CD2AP: variants seen among roughly 807,000 people sequenced by gnomAD.
The protein encoded by CD2AP is CD2-associated protein.
CD2AP carries 46 observed loss-of-function variants against 85.1 expected under a neutral mutation model. That is an observed-to-expected ratio of 0.54 (90% CI 0.43 to 0.69). The LOEUF is 0.69. Ranked by LOEUF, CD2AP falls within the 30% of genes least tolerant of loss-of-function variation. The probability of loss-of-function intolerance (pLI) is 0.00; values close to 1 mark genes in which losing one functional copy is unlikely to be tolerated. For synonymous variants in CD2AP, 255 were observed against 252.9 expected (o/e 1.01, Z -0.08); for missense variants, 769 against 729.5 (o/e 1.05, Z -0.62).
chr6:47,595,684 TATTAA>T (rs1454393821), intron 11 of CD2AP, among the ~76,000 whole-genome samples, 172 bp from the exon 12 acceptor site: 2 of 152,036 alleles, frequency 1.3e-5, no homozygotes, highest in African/African-American at 4.8e-5. Context: ...TATTTAGGAT[TATTAA>T]ATTAAAATAT....
chr6:47,608,038 A>T lies in CD2AP; in HGVS notation c.1632+10A>T, dbSNP rs752573156. 1 of 1,581,416 alleles carries T rather than the reference A, an allele frequency of 6.3e-7. No individual in the cohort carries two copies. The highest frequency in any genetic ancestry group is 2.2e-5 in the East Asian group (1 of 44,626). On this transcript the variant is annotated intron_variant, in intron 15 of 17. Coordinates refer to ENST00000359314, the MANE Select transcript of CD2AP (RefSeq NM_012120.3). ...ATGCTACTCTCCAAAGGTGAGGTGC[A>T]TTGTGGTCTAAGGTTTGTTGACTTT...
At position 47,484,351 on chromosome 6, in the gene CD2AP, C is replaced by CT. The variant is rs35006084; in HGVS notation, c.4+6117dup. ...CTTTGGACTAAACTTGATATTACCT[C>CT]TTTTTTTTTTTTTTGTTATGTTTTG... is the stretch of plus-strand genomic sequence containing the variant. On this transcript the variant is annotated intron_variant, in intron 1 of 17. Coordinates refer to ENST00000359314, the MANE Select transcript of CD2AP (RefSeq NM_012120.3). Among the ~76,000 whole-genome samples the CT allele has an allele frequency of 1.0e-2, 1,407 of 141,314 alleles. 20 individuals carry two copies. The highest frequency in any genetic ancestry group is 0.033 in the African/African-American group (1,261 of 38,732). 92.7% of individuals were successfully genotyped at this position (141,314 alleles called of 152,430 possible).
intron 17 of CD2AP, among the ~76,000 whole-genome samples, chr6:47,620,121 A>C (rs1326821203): frequency 1.3e-5 from 2 of 152,144 alleles, no homozygotes; most frequent in East Asian, 3.8e-4. Flanking sequence ...GTTTTTGTTC[A>C]TGAAATCCTT....
intron 3 of CD2AP, among the ~76,000 whole-genome samples, chr6:47,536,550 G>A (rs1767051509): frequency 1.3e-5 from 2 of 152,132 alleles, no homozygotes; most frequent in East Asian, 1.9e-4. Flanking sequence ...GGACTAGTGA[G>A]CTATTCTTCT....
At chr6:47,608,436 A>T (rs1315094986) in intron 15 of CD2AP, among the ~76,000 whole-genome samples, 1 of 152,098 alleles carries the variant, frequency 6.6e-6, no homozygotes, top group Non-Finnish European at 1.5e-5. Context: ...TTCATCTGTT[A>T]CATGTGTTAG....
intron 1 of CD2AP, among the ~76,000 whole-genome samples, chr6:47,489,477 C>T (rs576534180): frequency 2.0e-5 from 3 of 152,150 alleles, no homozygotes; most frequent in African/African-American, 7.2e-5. Flanking sequence ...TGCCCGGCTG[C>T]ACTCGACTAG....
At chr6:47,566,301 A>AATATAT (rs71831752) in intron 5 of CD2AP, among the ~76,000 whole-genome samples, 2,619 of 110,094 alleles carry the variant, frequency 0.024, 150 homozygotes, top group East Asian at 0.12. Context: ...TGCTCATTAG[A>AATATAT]ATATATATAT....
At chr6:47,483,125 T>TA (rs1352167691) in intron 1 of CD2AP, among the ~76,000 whole-genome samples, 1 of 152,230 alleles carries the variant, frequency 6.6e-6, no homozygotes, top group Admixed American at 6.5e-5. Context: ...ATGGAGCTGT[T>TA]ACTGCTTAGT....
At chr6:47,502,910 A>T (rs996512440) in intron 1 of CD2AP, among the ~76,000 whole-genome samples, 1 of 152,194 alleles carries the variant, frequency 6.6e-6, no homozygotes, top group African/African-American at 2.4e-5. Context: ...CACAGGTCAC[A>T]TTGGCAGTCA....
chr6:47,507,876 G>C (rs1263159349), intron 2 of CD2AP, among the ~76,000 whole-genome samples: 4 of 152,208 alleles, frequency 2.6e-5, no homozygotes, highest in African/African-American at 7.2e-5. Context: ...AGAGCTCTTG[G>C]GTGATCAGAT....
intron 17 of CD2AP, among the ~76,000 whole-genome samples, chr6:47,618,197 G>A (rs1182920683): frequency 2.0e-5 from 3 of 152,104 alleles, no homozygotes; most frequent in Admixed American, 2.0e-4. Context: ...GTACACACCT[G>A]TAATCCCAGC....
chr6:47,501,090 GAATT>G (rs1209256864), intron 1 of CD2AP, among the ~76,000 whole-genome samples: 3 of 152,122 alleles, frequency 2.0e-5, no homozygotes, highest in African/African-American at 7.2e-5. Flanking sequence ...CCAGAAGAAA[GAATT>G]CATTCATCTC....
chr6:47,504,989 G>T (rs1766092730), intron 2 of CD2AP, among the ~76,000 whole-genome samples: 1 of 146,816 alleles, frequency 6.8e-6, no homozygotes, highest in Admixed American at 6.9e-5. Flanking sequence ...GTTGCTGAAG[G>T]CTGGGGTGGC....
chr6:47,503,460 T>C lies in CD2AP; in HGVS notation c.165+20T>C. On this transcript the variant is annotated intron_variant, in intron 2 of 17. Transcript: ENST00000359314. ...GTTAAGGTAAGTATTTTCAGTTAAA[T>C]TTCTAGCTCTTGCTTCATAGGATTT... 1 of 1,595,316 alleles carries C rather than the reference T, an allele frequency of 6.3e-7. No homozygotes were observed. Among genetic ancestry groups the C allele is most frequent in the East Asian group, 2.2e-5 (1 of 44,690 alleles).
Position 47,624,576 on chromosome 6 carries a change from T to C in CD2AP, c.*349T>C, listed in dbSNP as rs1769851662. The C allele has an allele frequency of 1.9e-5, 3 of 157,344 alleles. No individual in the cohort carries two copies. Among genetic ancestry groups the C allele is most frequent in the Non-Finnish European group, 3.5e-5 (3 of 84,964 alleles). 9.7% of individuals were successfully genotyped at this position (157,344 alleles called of 1,614,324 possible). ...GATCTATACTATAAATATGGTGATA[T>C]ATTTACAAGTAATCTGTTAAGATAT... On this transcript the variant is annotated 3_prime_UTR_variant, in exon 18 of 18. Transcript: ENST00000359314.
chr6:47,527,768 T>C (rs1297158959), intron 2 of CD2AP, among the ~76,000 whole-genome samples: 1 of 152,200 alleles, frequency 6.6e-6, no homozygotes, highest in East Asian at 1.9e-4. Flanking sequence ...AAGTACTAGA[T>C]ACTGCTTGTG....
At chr6:47,617,740 A>C (rs1333615588) in intron 17 of CD2AP, among the ~76,000 whole-genome samples, 3 of 152,060 alleles carry the variant, frequency 2.0e-5, no homozygotes, top group Admixed American at 1.3e-4. Context: ...TCTCAGATTA[A>C]CCTTTCCTTC....
rs146616172 is a variant in CD2AP at position 47,508,719 on chromosome 6, A to G, written c.165+5279A>G. ...GCCACCACGCCCAGCTAATTTTTGT[A>G]TTTGTAGTAGAGATAAGGTTTCACC... On this transcript the variant is annotated intron_variant, in intron 2 of 17. Coordinates refer to ENST00000359314, the MANE Select transcript of CD2AP (RefSeq NM_012120.3). Among the ~76,000 whole-genome samples, 34 of 151,608 alleles carry G rather than the reference A, an allele frequency of 2.2e-4. No individual in the cohort carries two copies. In the East Asian group the frequency reaches 5.2e-3, roughly 23 times the overall value.
chr6:47,500,244 G>T (rs1369964823), intron 1 of CD2AP, among the ~76,000 whole-genome samples: 1 of 152,048 alleles, frequency 6.6e-6, no homozygotes, highest in Non-Finnish European at 1.5e-5. Context: ...TTATCTCGTT[G>T]AATTACTGTG....
Sources: allele counts gnomAD v4.1 joint callset (sites outside exome capture counted in the v4.1 genomes callset), GRCh38; gene constraint gnomAD v4.1.1; transcripts MANE v1.5; gene names NCBI Gene and HGNC (gene_info 2026-07-23, HGNC 2026-07-21).